The following TMC2 variants were observed in gnomAD, a reference collection of about 807,000 sequenced individuals.
TMC2 encodes transmembrane channel-like protein 2.
A neutral mutation model predicts 105.9 loss-of-function variants in TMC2; 102 were observed. The ratio of observed to expected loss-of-function variants is 0.96; its 90% CI spans 0.82 to 1.14. The LOEUF (loss-of-function observed/expected upper bound fraction) is 1.14, where lower values mean the gene tolerates loss of function less well. Ranked by LOEUF, TMC2 falls within the 50% of genes most tolerant of loss-of-function variation. The pLI, the probability that TMC2 is intolerant of heterozygous loss-of-function variation, is 0.00. For synonymous variants in TMC2, 402 were observed against 422.8 expected (o/e 0.95, Z 0.60); for missense variants, 1,093 against 1,134.3 (o/e 0.96, Z 0.52).
chr20:2,549,505 G>A (rs773954477), intron 2 of TMC2, among the ~76,000 whole-genome samples: 4 of 152,172 alleles, frequency 2.6e-5, no homozygotes, highest in Non-Finnish European at 4.4e-5. Context: ...CACTTTGGGA[G>A]GCCAAGGCGG....
Position 2,612,191 on chromosome 20 carries a change from C to T in TMC2, c.1594C>T (p.Leu532Phe). Residue 532 changes from leucine (L) to phenylalanine (F), a missense_variant and splice_region_variant, in exon 13 of 20, where the codon CTT becomes TTT. Coordinates refer to ENST00000358864, the MANE Select transcript of TMC2 (RefSeq NM_080751.3). ...CCCACACCTCCATCTTCTGTTCTAGCTTGCTAATGAAGAGACAATAAAGAA... is the reference window on the plus strand; with the variant it reads ...CCCACACCTCCATCTTCTGTTCTAGTTTGCTAATGAAGAGACAATAAAGAA... ...LALMDDVHLK[L>F]ANEETIKNIT... 1 of 1,594,010 alleles carries T rather than the reference C, an allele frequency of 6.3e-7. No homozygotes were observed. The highest frequency in any genetic ancestry group is 8.6e-7 in the Non-Finnish European group (1 of 1,165,726).
intron 4 of TMC2, among the ~76,000 whole-genome samples, chr20:2,565,810 C>T (rs1025064096): frequency 3.3e-5 from 5 of 152,032 alleles, no homozygotes; most frequent in South Asian, 2.1e-4. Context: ...GAGGCTGAGG[C>T]GGGCAGATCA....
Position 2,610,530 on chromosome 20 carries a change from A to C in TMC2, c.1525A>C (p.Ile509Leu), listed in dbSNP as rs1189240038. The C allele has an allele frequency of 6.2e-7, 1 of 1,613,638 alleles. No individual in the cohort carries two copies. Among genetic ancestry groups the C allele is most frequent in the South Asian group, 1.1e-5 (1 of 91,024 alleles). Residue 509 changes from isoleucine (I) to leucine (L), a missense_variant, in exon 12 of 20, where the codon ATC becomes CTC. Transcript: ENST00000358864. Reference sequence around the variant, plus strand: ...TGGACTGAAGTGGCAGCTGGGACGCATCTTTGCACTCTTCCTGGGGAACCT... The same window carrying C: ...TGGACTGAAGTGGCAGCTGGGACGCCTCTTTGCACTCTTCCTGGGGAACCT... ...RTGLKWQLGR[I>L]FALFLGNLYT...
chr20:2,634,246 T>TC (rs2086626006), intron 17 of TMC2, among the ~76,000 whole-genome samples: 1 of 152,166 alleles, frequency 6.6e-6, no homozygotes, highest in Non-Finnish European at 1.5e-5. Flanking sequence ...GAACTGGAGC[T>TC]CCACACTCTG....
intron 2 of TMC2, among the ~76,000 whole-genome samples, chr20:2,545,997 T>C (rs1443343837): frequency 6.6e-6 from 1 of 152,214 alleles, no homozygotes; most frequent in East Asian, 1.9e-4. Context: ...TGAAAGCAGA[T>C]AGTCTCCAAA....
At chr20:2,615,052 G>A (rs981783990) in intron 14 of TMC2, among the ~76,000 whole-genome samples, 2 of 151,962 alleles carry the variant, frequency 1.3e-5, no homozygotes, top group African/African-American at 4.8e-5. Context: ...TGGGGGTGCG[G>A]TGGCTCACAT....
At chr20:2,568,958 G>A (rs2086083692) in intron 4 of TMC2, among the ~76,000 whole-genome samples, 1 of 152,166 alleles carries the variant, frequency 6.6e-6, no homozygotes, top group Non-Finnish European at 1.5e-5. Flanking sequence ...CAGTGGGGTA[G>A]GCATTTTGTA....
At position 2,610,281 on chromosome 20, in the gene TMC2, T is replaced by A. The variant is rs572643977; in HGVS notation, c.1414-138T>A. The A allele has an allele frequency of 1.8e-5, 13 of 704,330 alleles. No homozygotes were observed. In the Admixed American group the frequency reaches 2.5e-4, roughly 14 times the overall value. 43.6% of individuals were successfully genotyped at this position (704,330 alleles called of 1,614,324 possible). A position where few individuals can be genotyped will look rare whatever the true frequency, so the allele number is the denominator to read the frequency against. On this transcript the variant is annotated intron_variant, in intron 11 of 19. Coordinates refer to ENST00000358864, the MANE Select transcript of TMC2 (RefSeq NM_080751.3). Reference sequence around the variant, plus strand: ...CCTTTGCCAGGGTCACACAGCAAGCTGTGTAGACCCCAGGGCATCTCCAGG... The same window carrying A: ...CCTTTGCCAGGGTCACACAGCAAGCAGTGTAGACCCCAGGGCATCTCCAGG...
At chr20:2,640,719 A>G (rs1476665897) in intron 19 of TMC2, among the ~76,000 whole-genome samples, 1 of 152,196 alleles carries the variant, frequency 6.6e-6, no homozygotes, top group Non-Finnish European at 1.5e-5. Context: ...CCTAACTTGG[A>G]GTTAGAGGAG....
At position 2,636,478 on chromosome 20, in the gene TMC2, A is replaced by ACACACACACACACACACG. The variant is rs754548427; in HGVS notation, c.2385+489_2385+490insACGCACACACACACACAC. 9.0e-3 allele frequency among the ~76,000 whole-genome samples: 1,356 copies of ACACACACACACACACACG among 151,370 alleles called. 12 individuals carry two copies. Among genetic ancestry groups the ACACACACACACACACACG allele is most frequent in the Non-Finnish European group, 0.014 (949 of 67,736 alleles). ...GCTGTCTACACACACACACACACAC[A>ACACACACACACACACACG]CACACACACACACACGCACACACCC... is the stretch of plus-strand genomic sequence containing the variant. On this transcript the variant is annotated intron_variant, in intron 18 of 19. Coordinates refer to ENST00000358864, the MANE Select transcript of TMC2 (RefSeq NM_080751.3).
In TMC2 at chr20:2,637,596, G is replaced by A; in HGVS notation, c.2503+5G>A. The A allele has an allele frequency of 6.3e-7, 1 of 1,594,484 alleles. No individual in the cohort carries two copies. Among genetic ancestry groups the A allele is most frequent in the Non-Finnish European group, 8.6e-7 (1 of 1,162,332 alleles). On this transcript the variant is annotated splice_donor_5th_base_variant and intron_variant, in intron 19 of 19. Transcript: ENST00000358864. ...AGCTCCAACTCACCAAGGAAGGTAA[G>A]CTCTTTGTCATAATGATTATGTTTT...
chr20:2,603,578 C>T (rs572620496), intron 11 of TMC2, among the ~76,000 whole-genome samples: 2 of 152,240 alleles, frequency 1.3e-5, no homozygotes, highest in South Asian at 2.1e-4. Flanking sequence ...AAGAATGGGC[C>T]AGTGGTTTCT....
chr20:2,639,297 CACTCACTG>C (rs2086671606), intron 19 of TMC2, among the ~76,000 whole-genome samples: 1 of 152,192 alleles, frequency 6.6e-6, no homozygotes, highest in Non-Finnish European at 1.5e-5. Flanking sequence ...ACTCATCACC[CACTCACTG>C]ACTCACCCAG....
In TMC2 at chr20:2,552,753, T is replaced by C. The variant is rs1012371717; in HGVS notation, c.83-5703T>C. ...CTGGTCTGGAACTCCGGACCTCAAC[T>C]GATCCACCTACCTTGACCTCCCAAA... is the stretch of plus-strand genomic sequence containing the variant. On this transcript the variant is annotated intron_variant, in intron 2 of 19. Transcript: ENST00000358864. Among the ~76,000 whole-genome samples, 4 of 152,308 alleles carry C rather than the reference T, an allele frequency of 2.6e-5. No homozygotes were observed. The East Asian group carries it at 7.7e-4, about 29-fold the overall frequency.
chr20:2,556,901 T>C (rs1037430414), intron 2 of TMC2, among the ~76,000 whole-genome samples: 1 of 151,500 alleles, frequency 6.6e-6, no homozygotes, highest in Non-Finnish European at 1.5e-5. Flanking sequence ...TTTAAATATA[T>C]CACTCTACTC....
chr20:2,599,218 A>G (rs2086331613), intron 10 of TMC2, among the ~76,000 whole-genome samples: 2 of 151,798 alleles, frequency 1.3e-5, no homozygotes, highest in African/African-American at 4.8e-5. Flanking sequence ...CGGAGAGCCA[A>G]GATCGCACCA....
At chr20:2,557,294 T>G (rs888439481) in intron 2 of TMC2, among the ~76,000 whole-genome samples, 8 of 152,210 alleles carry the variant, frequency 5.3e-5, no homozygotes, top group Non-Finnish European at 1.2e-4. Context: ...TTGCTTTCAG[T>G]TTGGGAAGTT....
chr20:2,631,658 A>T (rs761449699), intron 17 of TMC2, among the ~76,000 whole-genome samples: 1 of 149,726 alleles, frequency 6.7e-6, no homozygotes, highest in Admixed American at 6.7e-5. Flanking sequence ...TTTCTTGTAT[A>T]TGATTATTTG....
chr20:2,582,921 T>A (rs1764751106), intron 7 of TMC2, among the ~76,000 whole-genome samples: 2 of 152,248 alleles, frequency 1.3e-5, no homozygotes, highest in African/African-American at 4.8e-5. Flanking sequence ...CAACCCAGGA[T>A]GTCTACGTGA....
Sources: gnomAD v4.1 joint callset for allele counts (sites outside exome capture counted in the v4.1 genomes callset) on GRCh38, gnomAD v4.1.1 for gene constraint, MANE v1.5 for transcripts, NCBI Gene and HGNC (gene_info 2026-07-23, HGNC 2026-07-21) for gene names.